Variants in PALM2AKAP2 observed in about 807,000 individuals in gnomAD.
PALM2AKAP2 encodes the protein PALM2 and AKAP2 fusion, also known as PALM2-AKAP2 fusion protein.
In PALM2AKAP2, 37 loss-of-function variants were observed where a neutral mutation model predicts 71.5. The ratio of observed to expected loss-of-function variants is 0.52; its 90% CI spans 0.40 to 0.68. The LOEUF (loss-of-function observed/expected upper bound fraction) is 0.68. Among genes scored for constraint, PALM2AKAP2 ranks in the 30% least tolerant of loss-of-function variants. PALM2AKAP2 has a pLI of 0.00. For missense variants in PALM2AKAP2, 1,224 were observed against 1,191.8 expected (o/e 1.03, Z -0.40); for synonymous variants, 468 against 478.8 (o/e 0.98, Z 0.29).
chr9:109,995,766 A>G (rs1832562862), intron 6 of PALM2AKAP2, among the ~76,000 whole-genome samples: 1 of 152,172 alleles, frequency 6.6e-6, no homozygotes, highest in Non-Finnish European at 1.5e-5. Context: ...TTGGGTGGGG[A>G]CACTGCCAAA....
Position 109,974,857 on chromosome 9 carries a change from G to A in PALM2AKAP2, c.497-41097G>A, listed in dbSNP as rs182272835. Among the ~76,000 whole-genome samples the A allele has an allele frequency of 1.0e-3, 159 of 152,330 alleles. 3 individuals carry two copies. In the Middle Eastern group the frequency reaches 0.014, roughly 13 times the overall value. On this transcript the variant is annotated intron_variant, in intron 6 of 9. Coordinates refer to the PALM2AKAP2 transcript ENST00000302798. Reference sequence around the variant, plus strand: ...GAAGCTCCAGCAAGAAGCAAGCACAGATGCAGACTATTCCTCTTGGGATGC... The same window carrying A: ...GAAGCTCCAGCAAGAAGCAAGCACAAATGCAGACTATTCCTCTTGGGATGC...
chr9:110,014,804 A>AG (rs1832947725), intron 6 of PALM2AKAP2, among the ~76,000 whole-genome samples: 2 of 4,294 alleles, frequency 4.7e-4, no homozygotes, highest in Admixed American at 4.4e-3. Context: ...AAAAAAAAAA[A>AG]TGTATATATA....
chr9:109,860,561 G>A (rs1829282622), intron 1 of PALM2AKAP2, among the ~76,000 whole-genome samples: 1 of 152,116 alleles, frequency 6.6e-6, no homozygotes, highest in African/African-American at 2.4e-5. Flanking sequence ...GAACATCAGA[G>A]GGGATTCATT....
At chr9:109,807,206 G>T (rs771167537) in intron 1 of PALM2AKAP2, among the ~76,000 whole-genome samples, 3 of 152,190 alleles carry the variant, frequency 2.0e-5, no homozygotes, top group Admixed American at 6.5e-5. Context: ...GAAGGATGGA[G>T]TTTCACTGGA....
At chr9:110,066,066 G>A (rs1302065022) in intron 1 of PALM2AKAP2, among the ~76,000 whole-genome samples, 1 of 152,222 alleles carries the variant, frequency 6.6e-6, no homozygotes, top group Non-Finnish European at 1.5e-5. Context: ...CTACTTTGGA[G>A]AAGTTCACTA....
intron 1 of PALM2AKAP2, among the ~76,000 whole-genome samples, chr9:109,684,012 C>T (rs573722077): frequency 6.6e-6 from 1 of 152,180 alleles, no homozygotes; most frequent in East Asian, 1.9e-4. Context: ...CTGGAACACA[C>T]CAAATGTTTA....
chr9:110,003,785 G>A (rs561216944), intron 6 of PALM2AKAP2, among the ~76,000 whole-genome samples: 75 of 152,176 alleles, frequency 4.9e-4, no homozygotes, highest in African/African-American at 1.7e-3. Context: ...ATTATATAAT[G>A]GCCTTCTTTG....
At chr9:109,931,150 G>C (rs962905116) in intron 5 of PALM2AKAP2, among the ~76,000 whole-genome samples, 1 of 152,104 alleles carries the variant, frequency 6.6e-6, no homozygotes, top group East Asian at 1.9e-4. Context: ...CTTACCTCAG[G>C]GGTTTCCTCC....
Position 110,035,459 on chromosome 9 carries a change from ATG to A in PALM2AKAP2, c.582+19422_582+19423del, listed in dbSNP as rs1356343505. 2.8e-5 allele frequency among the ~76,000 whole-genome samples: 4 copies of A among 143,252 alleles called. No homozygotes were observed. In the East Asian group the frequency reaches 8.0e-4, roughly 29 times the overall value. 94.0% of individuals were successfully genotyped at this position (143,252 alleles called of 152,430 possible). ...TATATTATGCGTATAATACAGATATATGTATATATATGATATGTTGTGTGTTA... is the reference window on the plus strand; with the variant it reads ...TATATTATGCGTATAATACAGATATATATATATATGATATGTTGTGTGTTA... On this transcript the variant is annotated intron_variant, in intron 7 of 9. Transcript: ENST00000302798.
At chr9:109,743,326 G>A (rs41380747) in intron 1 of PALM2AKAP2, among the ~76,000 whole-genome samples, 2,418 of 152,278 alleles carry the variant, frequency 0.016, 61 homozygotes, top group African/African-American at 0.054. Context: ...TGCACAGGGT[G>A]TTGAGTCAGC....
At chr9:109,750,536 C>A (rs988543006) in intron 1 of PALM2AKAP2, among the ~76,000 whole-genome samples, 1 of 150,910 alleles carries the variant, frequency 6.6e-6, no homozygotes, top group African/African-American at 2.4e-5. Flanking sequence ...AGACAAAACT[C>A]ATTTCCTTCT....
chr9:109,709,873 C>T (rs1423822169), intron 1 of PALM2AKAP2, among the ~76,000 whole-genome samples: 1 of 152,152 alleles, frequency 6.6e-6, no homozygotes, highest in Non-Finnish European at 1.5e-5. Context: ...ATGTGCAAGT[C>T]CTAACCCCTA....
intron 1 of PALM2AKAP2, among the ~76,000 whole-genome samples, chr9:109,688,968 C>G (rs1178654697): frequency 6.6e-6 from 1 of 152,132 alleles, no homozygotes; most frequent in South Asian, 2.1e-4. Flanking sequence ...TTGTTATCGT[C>G]ATCTGGGAAA....
chr9:110,011,680 C>G (rs539102770), intron 6 of PALM2AKAP2, among the ~76,000 whole-genome samples: 3 of 152,308 alleles, frequency 2.0e-5, no homozygotes, highest in African/African-American at 7.2e-5. Context: ...GACAGGGTCT[C>G]CTGCCCCTTG....
At chr9:109,994,031 T>G (rs1370963878) in intron 6 of PALM2AKAP2, among the ~76,000 whole-genome samples, 1 of 152,182 alleles carries the variant, frequency 6.6e-6, no homozygotes, top group Non-Finnish European at 1.5e-5. Flanking sequence ...GCTACTGGGC[T>G]GGCAAATACT....
At chr9:109,827,160 T>A (rs1828172530) in intron 1 of PALM2AKAP2, among the ~76,000 whole-genome samples, 1 of 152,144 alleles carries the variant, frequency 6.6e-6, no homozygotes, top group Non-Finnish European at 1.5e-5. Context: ...TCCTATAATG[T>A]GGCATGCATG....
intron 2 of PALM2AKAP2, among the ~76,000 whole-genome samples, chr9:109,879,147 G>T (rs1310510425): frequency 6.6e-6 from 1 of 152,194 alleles, no homozygotes; most frequent in African/African-American, 2.4e-5. Flanking sequence ...GAGCTTCAGG[G>T]AGTGCTCCAA....
At chr9:109,886,383 C>T (rs921147578) in intron 3 of PALM2AKAP2, among the ~76,000 whole-genome samples, 5 of 152,152 alleles carry the variant, frequency 3.3e-5, no homozygotes, top group African/African-American at 4.8e-5. Flanking sequence ...TTGTCACTTT[C>T]CCACTTAAGA....
At chr9:109,867,373 C>A in intron 1 of PALM2AKAP2, 118 bp from the exon 2 acceptor site, 1 of 1,157,696 alleles carries the variant, frequency 8.6e-7, no homozygotes, top group South Asian at 1.3e-5. Flanking sequence ...GCGTGTGTGC[C>A]CGGTGTCTCT....
Sources: allele counts gnomAD v4.1 joint callset (sites outside exome capture counted in the v4.1 genomes callset), GRCh38; gene constraint gnomAD v4.1.1; transcripts MANE v1.5; gene names NCBI Gene and HGNC (gene_info 2026-07-23, HGNC 2026-07-21).